The following DIAPH2 variants were observed in gnomAD, a reference collection of about 807,000 sequenced individuals.
DIAPH2 encodes the protein protein diaphanous homolog 2.
Under a neutral mutation model 92.7 loss-of-function variants are expected in DIAPH2, and 35 were observed. That is an observed-to-expected ratio of 0.38 (90% CI 0.29 to 0.50). The LOEUF is 0.50. Ranked by LOEUF, DIAPH2 falls within the 20% of genes least tolerant of loss-of-function variation. The probability of loss-of-function intolerance (pLI) is 0.94; values close to 1 mark genes in which losing one functional copy is unlikely to be tolerated. For missense variants in DIAPH2, 701 were observed against 819.5 expected, an observed-to-expected ratio of 0.86 and a Z score of 1.77; for synonymous variants, 301 against 280.4, an observed-to-expected ratio of 1.07 and a Z score of -0.73.
At chrX:97,565,697 G>A (rs916590792) in intron 26 of DIAPH2, among the ~76,000 whole-genome samples, 2 of 111,806 alleles carry the variant, frequency 1.8e-5, no homozygotes, top group South Asian at 3.7e-4. Flanking sequence ...AACTTCACGC[G>A]TATCTCTGAC....
At chrX:97,482,784 C>T (rs2070660428) in intron 26 of DIAPH2, among the ~76,000 whole-genome samples, 1 of 111,837 alleles carries the variant, frequency 8.9e-6, no homozygotes, top group African/African-American at 3.3e-5. Flanking sequence ...ATTTGATGGT[C>T]CAGCTTGAGT....
chrX:96,810,927 T>C (rs2064674605), intron 4 of DIAPH2, among the ~76,000 whole-genome samples: 1 of 111,891 alleles, frequency 8.9e-6, no homozygotes, highest in South Asian at 3.8e-4. Flanking sequence ...TGTAGCCTTG[T>C]AGTATAGTTT....
chrX:96,786,945 C>A (rs1401968637), intron 4 of DIAPH2, among the ~76,000 whole-genome samples: 1 of 111,788 alleles, frequency 8.9e-6, no homozygotes, highest in Non-Finnish European at 1.9e-5. Flanking sequence ...GTGATGTAAA[C>A]CTTATTGCTT....
chrX:96,931,766 C>G (rs1182415308), intron 10 of DIAPH2, among the ~76,000 whole-genome samples: 1 of 111,040 alleles, frequency 9.0e-6, no homozygotes, highest in Non-Finnish European at 1.9e-5. Flanking sequence ...TGGTGGGATA[C>G]TTTTAACTGA....
chrX:97,119,350 A>T (rs2067038741), intron 21 of DIAPH2, among the ~76,000 whole-genome samples: 1 of 110,986 alleles, frequency 9.0e-6, no homozygotes, highest in African/African-American at 3.3e-5. Flanking sequence ...GGGTCTAGGC[A>T]CCTGGCTCTG....
intron 25 of DIAPH2, among the ~76,000 whole-genome samples, chrX:97,400,970 G>T (rs776116435): frequency 1.5e-3 from 156 of 106,959 alleles, no homozygotes; most frequent in Non-Finnish European, 2.6e-3. Flanking sequence ...GGGCTCAAGT[G>T]ATCCTCCTGC....
intron 17 of DIAPH2, among the ~76,000 whole-genome samples, chrX:97,010,102 T>A: frequency 8.9e-6 from 1 of 112,178 alleles, no homozygotes; most frequent in Non-Finnish European, 1.9e-5. Flanking sequence ...AGGTTTGCAG[T>A]GAATCAGGTA....
chrX:96,966,192 G>T (rs1329032290), intron 17 of DIAPH2, among the ~76,000 whole-genome samples: 1 of 111,424 alleles, frequency 9.0e-6, no homozygotes, highest in Non-Finnish European at 1.9e-5. Flanking sequence ...AATCTGGGGT[G>T]ATTAGACTAT....
At chrX:96,800,548 G>A (rs1037139958) in intron 4 of DIAPH2, among the ~76,000 whole-genome samples, 7 of 111,959 alleles carry the variant, frequency 6.3e-5, no homozygotes, top group African/African-American at 2.3e-4. Context: ...TCTGACACAA[G>A]GGAGAGGATA....
chrX:97,300,333 C>CT (rs916695187), intron 23 of DIAPH2, among the ~76,000 whole-genome samples: 11 of 111,686 alleles, frequency 9.8e-5, no homozygotes, highest in Non-Finnish European at 5.6e-5. Context: ...GCCTTACAAA[C>CT]TTTGACTGTC....
At chrX:97,313,929 C>T (rs757908891) in intron 23 of DIAPH2, among the ~76,000 whole-genome samples, 101 of 110,519 alleles carry the variant, frequency 9.1e-4, no homozygotes, top group Middle Eastern at 4.7e-3. Context: ...CATGAGCCAC[C>T]GTGCCCGGCC....
chrX:97,227,344 CCTATT>C (rs1366231405), intron 22 of DIAPH2, among the ~76,000 whole-genome samples: 2 of 111,131 alleles, frequency 1.8e-5, no homozygotes, highest in African/African-American at 6.5e-5. Flanking sequence ...AGGATATTTC[CCTATT>C]CTATTCATTT....
intron 24 of DIAPH2, among the ~76,000 whole-genome samples, chrX:97,374,061 T>G (rs1445809767): frequency 9.1e-6 from 1 of 109,410 alleles, no homozygotes; most frequent in Non-Finnish European, 1.9e-5. Flanking sequence ...GAAGCACTAT[T>G]TTTTTTTCAA....
At chrX:97,168,835 A>G (rs2067431201) in intron 22 of DIAPH2, among the ~76,000 whole-genome samples, 1 of 112,303 alleles carries the variant, frequency 8.9e-6, no homozygotes, top group African/African-American at 3.2e-5. Flanking sequence ...GTGTCTTCAC[A>G]TGTCAGAGAG....
At chrX:97,345,729 CTAATT>C (rs2147686035) in intron 23 of DIAPH2, among the ~76,000 whole-genome samples, 1 of 111,682 alleles carries the variant, frequency 9.0e-6, no homozygotes, top group Non-Finnish European at 1.9e-5. Flanking sequence ...GGATTTAACT[CTAATT>C]TAAACTGTTG....
At chrX:97,500,171 T>C (rs1166757808) in intron 26 of DIAPH2, among the ~76,000 whole-genome samples, 1 of 111,910 alleles carries the variant, frequency 8.9e-6, no homozygotes, top group Non-Finnish European at 1.9e-5. Context: ...TCTGGCTGAA[T>C]CTTTGGGTGT....
chrX:96,867,472 G>A (rs923759745), intron 4 of DIAPH2, among the ~76,000 whole-genome samples: 4 of 111,133 alleles, frequency 3.6e-5, no homozygotes, highest in East Asian at 5.6e-4. Context: ...TGCCCGCCTC[G>A]GCCTCCCAAA....
intron 4 of DIAPH2, among the ~76,000 whole-genome samples, chrX:96,874,056 T>A (rs747692502): frequency 1.8e-5 from 2 of 112,018 alleles, no homozygotes; most frequent in South Asian, 7.5e-4. Flanking sequence ...GTGCACTATG[T>A]GTGGTATAAC....
chrX:97,416,831 G>A (rs1196517276), intron 25 of DIAPH2, among the ~76,000 whole-genome samples: 1 of 112,091 alleles, frequency 8.9e-6, no homozygotes, highest in Non-Finnish European at 1.9e-5. Context: ...AAGGGTTATA[G>A]CAGTAGCCAA....
Sources: gnomAD v4.1 joint callset for allele counts (sites outside exome capture counted in the v4.1 genomes callset) on GRCh38, gnomAD v4.1.1 for gene constraint, MANE v1.5 for transcripts, NCBI Gene and HGNC (gene_info 2026-07-23, HGNC 2026-07-21) for gene names.